The following SMAP1 variants were observed in gnomAD, a reference collection of about 807,000 sequenced individuals.
SMAP1 encodes stromal membrane-associated protein 1.
In SMAP1, 24 loss-of-function variants were observed where a neutral mutation model predicts 58.5. That is an observed-to-expected ratio of 0.41 (90% CI 0.30 to 0.58). The LOEUF (loss-of-function observed/expected upper bound fraction) is 0.58. SMAP1 is among the 20% of genes least tolerant of loss of function. SMAP1 has a pLI of 0.29. For missense variants in SMAP1, 563 were observed against 566.3 expected, an observed-to-expected ratio of 0.99 and a Z score of 0.06; for synonymous variants, 216 against 196.6, an observed-to-expected ratio of 1.10 and a Z score of -0.82.
chr6:70,738,359 G>T (rs1037971224), intron 2 of SMAP1, among the ~76,000 whole-genome samples: 3 of 151,736 alleles, frequency 2.0e-5, no homozygotes, highest in Non-Finnish European at 2.9e-5. Flanking sequence ...TCAAAAGAGT[G>T]TGAAAAGATT....
chr6:70,681,300 C>T (rs577439374), intron 1 of SMAP1, among the ~76,000 whole-genome samples: 1 of 152,096 alleles, frequency 6.6e-6, no homozygotes, highest in East Asian at 1.9e-4. Flanking sequence ...GGTGTGGTGG[C>T]ACGTGCCTGT....
At chr6:70,792,029 T>C (rs1170662481) in intron 5 of SMAP1, among the ~76,000 whole-genome samples, 1 of 152,198 alleles carries the variant, frequency 6.6e-6, no homozygotes, top group Admixed American at 6.5e-5. Context: ...TTTTTGTTGT[T>C]GCGCCCATTA....
intron 4 of SMAP1, among the ~76,000 whole-genome samples, chr6:70,775,303 A>G (rs1004385232): frequency 1.3e-5 from 2 of 152,154 alleles, no homozygotes; most frequent in African/African-American, 4.8e-5. Context: ...CACTTTTAAA[A>G]TATAATTTTA....
intron 1 of SMAP1, among the ~76,000 whole-genome samples, chr6:70,706,466 C>A (rs1364337190): frequency 2.0e-5 from 3 of 152,096 alleles, no homozygotes; most frequent in East Asian, 3.9e-4. Flanking sequence ...CCTTAGTAAA[C>A]TGGCATATTA....
intron 1 of SMAP1, among the ~76,000 whole-genome samples, chr6:70,688,880 T>G (rs1005612063): frequency 1.3e-5 from 2 of 152,172 alleles, no homozygotes; most frequent in African/African-American, 4.8e-5. Flanking sequence ...TCTCATATAT[T>G]GTTTCCTAAA....
intron 5 of SMAP1, among the ~76,000 whole-genome samples, chr6:70,797,490 C>T (rs901346466): frequency 2.6e-5 from 4 of 152,074 alleles, no homozygotes; most frequent in Admixed American, 6.5e-5. Flanking sequence ...TTATCATCAT[C>T]GTCTTTACTT....
rs372145041 is a variant in SMAP1 at position 70,706,391 on chromosome 6, C to A, written c.119-25987C>A. ...CTAACTTCTTGTTTTTAGTGAAGAT[C>A]GTGTTTGTTAATAATGCATTTTTTG... On this transcript the variant is annotated intron_variant, in intron 1 of 10. Coordinates refer to ENST00000370455, the MANE Select transcript of SMAP1 (RefSeq NM_001044305.3). Among the ~76,000 whole-genome samples the A allele has an allele frequency of 5.9e-5, 9 of 152,140 alleles. No homozygotes were observed. The South Asian group carries it at 1.9e-3, about 32-fold the overall frequency.
At position 70,668,291 on chromosome 6, in the gene SMAP1, G is replaced by T. The variant is rs925075304; in HGVS notation, c.118+150G>T. 9.5e-5 allele frequency: 79 copies of T among 835,418 alleles called. No homozygotes were observed. In the African/African-American group the frequency reaches 1.3e-3, roughly 13 times the overall value. 51.8% of individuals were successfully genotyped at this position (835,418 alleles called of 1,614,324 possible). ...AGGGCGGGTGGCTGAGCGGGCGGGC[G>T]CGGGGCTCCTGTCGACCCTCAAGTC... On this transcript the variant is annotated intron_variant, in intron 1 of 10. Transcript: ENST00000370455.
intron 1 of SMAP1, among the ~76,000 whole-genome samples, chr6:70,722,445 G>A (rs561582822): frequency 2.6e-5 from 4 of 152,150 alleles, no homozygotes; most frequent in African/African-American, 9.7e-5. Context: ...TTACTAGCAT[G>A]TGCTAAGCAC....
At chr6:70,835,751 C>G (rs186273347) in intron 6 of SMAP1, among the ~76,000 whole-genome samples, 1 of 152,250 alleles carries the variant, frequency 6.6e-6, no homozygotes, top group East Asian at 1.9e-4. Context: ...AAGGGATCCT[C>G]CTACCTTGTC....
At chr6:70,817,139 T>TA (rs1491136899) in intron 6 of SMAP1, among the ~76,000 whole-genome samples, 328 of 127,356 alleles carry the variant, frequency 2.6e-3, no homozygotes, top group East Asian at 5.4e-3. Flanking sequence ...TATATATATA[T>TA]TTTTTTTTTG....
Position 70,856,910 on chromosome 6 carries a change from G to T in SMAP1, c.841G>T (p.Asp281Tyr). ...AATLSTVTSG[D>Y]LDLFTEQTTK... ...AACCCTGTCTACAGTAACATCTGGG[G>T]ATCTAGATTTATTCACTGAGCAAAC... Residue 281 changes from aspartate (D) to tyrosine (Y), a missense_variant, in exon 9 of 11, where the codon GAT becomes TAT. Asp to Tyr is a radical substitution (Grantham distance 160). Transcript: ENST00000370455. 5.0e-6 allele frequency: 8 copies of T among 1,613,878 alleles called. No individual in the cohort carries two copies. The highest frequency in any genetic ancestry group is 6.8e-6 in the Non-Finnish European group (8 of 1,179,824).
At chr6:70,819,426 C>A (rs920882949) in intron 6 of SMAP1, among the ~76,000 whole-genome samples, 1 of 151,872 alleles carries the variant, frequency 6.6e-6, no homozygotes, top group South Asian at 2.1e-4. Flanking sequence ...GTTCTATGTT[C>A]ATTCATGATA....
At chr6:70,855,276 C>T (rs1000914878) in intron 8 of SMAP1, among the ~76,000 whole-genome samples, 5 of 151,966 alleles carry the variant, frequency 3.3e-5, no homozygotes, top group Non-Finnish European at 7.4e-5. Context: ...GTAGTGCTGG[C>T]GAGTGGAGCA....
At chr6:70,788,625 A>T (rs1768192822) in intron 4 of SMAP1, among the ~76,000 whole-genome samples, 1 of 152,186 alleles carries the variant, frequency 6.6e-6, no homozygotes, top group Admixed American at 6.5e-5. Flanking sequence ...TGGGTTTCTG[A>T]AGAAGAGGGA....
chr6:70,800,878 T>A (rs1254685966), intron 6 of SMAP1, among the ~76,000 whole-genome samples: 4 of 152,224 alleles, frequency 2.6e-5, no homozygotes, highest in African/African-American at 9.6e-5. Context: ...TAGTATTCCA[T>A]GGTGTATATG....
chr6:70,799,492 G>T (rs1582211970), intron 6 of SMAP1, among the ~76,000 whole-genome samples: 1 of 152,074 alleles, frequency 6.6e-6, no homozygotes, highest in East Asian at 1.9e-4. Context: ...ATGGTGGCTT[G>T]GCTTTGAATG....
chr6:70,690,318 T>G (rs1398104218), intron 1 of SMAP1, among the ~76,000 whole-genome samples: 1 of 152,088 alleles, frequency 6.6e-6, no homozygotes, highest in Non-Finnish European at 1.5e-5. Context: ...TTTTTTTTTG[T>G]TTTTTGAGAC....
chr6:70,723,632 C>A (rs1471891147), intron 1 of SMAP1, among the ~76,000 whole-genome samples: 2 of 152,162 alleles, frequency 1.3e-5, no homozygotes, highest in Non-Finnish European at 2.9e-5. Flanking sequence ...TTATTGTATA[C>A]TGCCTTCCAT....
Sources: gnomAD v4.1 joint callset for allele counts (sites outside exome capture counted in the v4.1 genomes callset) on GRCh38, gnomAD v4.1.1 for gene constraint, MANE v1.5 for transcripts, NCBI Gene and HGNC (gene_info 2026-07-23, HGNC 2026-07-21) for gene names.